ITPR2: variants seen among roughly 807,000 people sequenced by gnomAD.
ITPR2 encodes the protein inositol 1,4,5-trisphosphate-gated calcium channel ITPR2.
In ITPR2, 207 loss-of-function variants were observed where a neutral mutation model predicts 317.1. The observed-to-expected ratio is 0.65, with a 90% CI of 0.58 to 0.73. ITPR2 has a LOEUF of 0.73. Ranked by LOEUF, ITPR2 falls within the 30% of genes least tolerant of loss-of-function variation. ITPR2 has a pLI of 0.00. For missense variants in ITPR2, 2,613 were observed against 3,284.0 expected, an observed-to-expected ratio of 0.80 and a Z score of 4.99; for synonymous variants, 1,156 against 1,149.1, an observed-to-expected ratio of 1.01 and a Z score of -0.12.
chr12:26,782,004 ATATATATATATATATATATATATATATAT>A (rs1950088736), intron 2 of ITPR2, among the ~76,000 whole-genome samples: 1 of 25,482 alleles, frequency 3.9e-5, no homozygotes, highest in Admixed American at 6.2e-4. Context: ...ATATATATAT[ATATATATATATATATATATATATATATAT>A]GTATAGAGAG....
At chr12:26,708,923 G>T (rs1365251323) in intron 9 of ITPR2, among the ~76,000 whole-genome samples, 1 of 152,160 alleles carries the variant, frequency 6.6e-6, no homozygotes, top group Non-Finnish European at 1.5e-5. Flanking sequence ...GTTTAAGAAA[G>T]AAATAAAGAC....
chr12:26,368,579 T>C (rs148371390), intron 55 of ITPR2, among the ~76,000 whole-genome samples: 1 of 152,344 alleles, frequency 6.6e-6, no homozygotes, highest in East Asian at 1.9e-4. Context: ...CAAGCTGGCA[T>C]GTGAACTGAG....
At chr12:26,772,508 ATATATAATACATTAT>A (rs370670641) in intron 2 of ITPR2, among the ~76,000 whole-genome samples, 12 of 124,398 alleles carry the variant, frequency 9.6e-5, no homozygotes, top group South Asian at 2.3e-4. Context: ...TACATGTATT[ATATATAATACATTAT>A]TATATATAAT....
chr12:26,429,976 T>G (rs1203323031), intron 48 of ITPR2, among the ~76,000 whole-genome samples: 1 of 152,208 alleles, frequency 6.6e-6, no homozygotes, highest in African/African-American at 2.4e-5. Context: ...CACTATTCTT[T>G]CCAAGACCAT....
chr12:26,564,466 C>T (rs906292296), intron 34 of ITPR2, among the ~76,000 whole-genome samples: 2 of 152,192 alleles, frequency 1.3e-5, no homozygotes, highest in Non-Finnish European at 2.9e-5. Flanking sequence ...GGTTGAACTG[C>T]ATCCCCAAAA....
intron 34 of ITPR2, among the ~76,000 whole-genome samples, chr12:26,569,971 T>C (rs1428120250): frequency 6.6e-6 from 1 of 152,128 alleles, no homozygotes. Flanking sequence ...AACATAAATA[T>C]CCAATAGTGA....
intron 34 of ITPR2, among the ~76,000 whole-genome samples, chr12:26,569,232 TA>T (rs1309833226): frequency 6.6e-6 from 1 of 151,360 alleles, no homozygotes; most frequent in Admixed American, 6.6e-5. Flanking sequence ...TGCCAAAAAA[TA>T]AATAAAAGTT....
At chr12:26,727,884 C>T (rs1274133083) in intron 2 of ITPR2, among the ~76,000 whole-genome samples, 1 of 152,160 alleles carries the variant, frequency 6.6e-6, no homozygotes. Flanking sequence ...AGAACCAATA[C>T]TCATTCAGCA....
Position 26,621,820 on chromosome 12 carries a change from C to T in ITPR2, c.3288+420G>A, listed in dbSNP as rs11610617. On this transcript the variant is annotated intron_variant, in intron 25 of 56. Transcript: ENST00000381340. ...CAAGATTGATGTCTTATTCAAAGACCACAAAGAAAAAGATTAGATCCATAA... is the reference window on the plus strand; with the variant it reads ...CAAGATTGATGTCTTATTCAAAGACTACAAAGAAAAAGATTAGATCCATAA... Among the ~76,000 whole-genome samples the T allele has an allele frequency of 6.2e-3, 949 of 151,946 alleles. 8 individuals carry two copies. The highest frequency in any genetic ancestry group is 9.7e-3 in the Non-Finnish European group (656 of 67,940).
chr12:26,738,409 A>G (rs1270137582), intron 2 of ITPR2, among the ~76,000 whole-genome samples: 1 of 150,518 alleles, frequency 6.6e-6, no homozygotes, highest in African/African-American at 2.5e-5. Context: ...GAGGTAACAG[A>G]GTAGAGAGGA....
At position 26,673,239 on chromosome 12, in the gene ITPR2, C is replaced by A. The variant is rs1037276303; in HGVS notation, c.1410-7188G>T. 1.4e-4 allele frequency among the ~76,000 whole-genome samples: 21 copies of A among 151,622 alleles called. 1 individual carries two copies. Among genetic ancestry groups the A allele is most frequent in the Admixed American group, 1.2e-3 (19 of 15,248 alleles). On this transcript the variant is annotated intron_variant, in intron 13 of 56. Coordinates refer to ENST00000381340, the MANE Select transcript of ITPR2 (RefSeq NM_002223.4). Reference sequence around the variant, plus strand: ...TACCAAAGCTGGGCAGAGACACAACCAAAAAAGAGAATTTTAGACCAATAT... The same window carrying A: ...TACCAAAGCTGGGCAGAGACACAACAAAAAAAGAGAATTTTAGACCAATAT...
intron 21 of ITPR2, among the ~76,000 whole-genome samples, chr12:26,647,929 T>TGCTTCTGAGCC (rs1161494250): frequency 6.6e-6 from 1 of 152,160 alleles, no homozygotes; most frequent in Non-Finnish European, 1.5e-5. Flanking sequence ...GATAAAAAGC[T>TGCTTCTGAGCC]GCTTCTGAGC....
intron 49 of ITPR2, among the ~76,000 whole-genome samples, chr12:26,425,188 C>A (rs1263576228): frequency 6.6e-6 from 1 of 152,088 alleles, no homozygotes; most frequent in Non-Finnish European, 1.5e-5. Context: ...AAGCAATCAT[C>A]CTGCCTCAGC....
At chr12:26,595,906 T>G (rs1945831152) in intron 31 of ITPR2, among the ~76,000 whole-genome samples, 1 of 152,140 alleles carries the variant, frequency 6.6e-6, no homozygotes, top group Non-Finnish European at 1.5e-5. Context: ...TTCCCTTTCT[T>G]TCTTCTTCCC....
At chr12:26,429,567 T>G (rs543509450) in intron 48 of ITPR2, among the ~76,000 whole-genome samples, 14 of 152,140 alleles carry the variant, frequency 9.2e-5, no homozygotes, top group Non-Finnish European at 1.9e-4. Flanking sequence ...GAGTAAATAA[T>G]GTCTTCAATT....
At chr12:26,495,362 G>C in intron 37 of ITPR2, 102 bp from the exon 38 acceptor site, 1 of 617,942 alleles carries the variant, frequency 1.6e-6, no homozygotes, top group South Asian at 2.6e-5. Context: ...ATGATGTTGA[G>C]GCATGGAAAA....
intron 37 of ITPR2, among the ~76,000 whole-genome samples, chr12:26,549,647 A>G (rs540552608): frequency 2.7e-4 from 41 of 152,212 alleles, no homozygotes; most frequent in African/African-American, 9.9e-4. Context: ...ACATGCTGCT[A>G]GCTATCTCTT....
chr12:26,444,941 C>T (rs919503736), intron 45 of ITPR2, among the ~76,000 whole-genome samples: 3 of 152,168 alleles, frequency 2.0e-5, no homozygotes, highest in Middle Eastern at 6.8e-3. Context: ...ATTTTTTTAA[C>T]TAAATTTGAA....
intron 40 of ITPR2, 60 bp from the exon 41 acceptor site, chr12:26,486,420 A>C: frequency 7.2e-7 from 1 of 1,380,080 alleles, no homozygotes; most frequent in East Asian, 2.3e-5. Context: ...AATTAAAAAA[A>C]AAAAAACAAA....
Sources: gnomAD v4.1 joint callset for allele counts (sites outside exome capture counted in the v4.1 genomes callset) on GRCh38, gnomAD v4.1.1 for gene constraint, MANE v1.5 for transcripts, NCBI Gene and HGNC (gene_info 2026-07-23, HGNC 2026-07-21) for gene names.